Variants in SEC22B observed in about 807,000 individuals in gnomAD.
The protein encoded by SEC22B is vesicle-trafficking protein SEC22b.
SEC22B carries 10 observed loss-of-function variants against 31.4 expected under a neutral mutation model. The observed-to-expected ratio is 0.32, with a 90% CI of 0.20 to 0.54. The LOEUF is 0.54. SEC22B is among the 20% of genes least tolerant of loss of function. The pLI is 0.94. For missense variants in SEC22B, 130 were observed against 263.4 expected (o/e 0.49, Z 3.50); for synonymous variants, 60 against 95.9 (o/e 0.63, Z 2.19).
At chr1:120,163,945 C>CTTTTTTT (rs1169530604) in intron 2 of SEC22B, among the ~76,000 whole-genome samples, 70 of 68,914 alleles carry the variant, frequency 1.0e-3, no homozygotes, top group African/African-American at 3.4e-3. Flanking sequence ...ATTAGATTCT[C>CTTTTTTT]TTTTTTTTTT....
At chr1:120,176,268 C>T (rs1553230186) in intron 1 of SEC22B, 39 bp downstream of exon 1, 12 of 1,592,510 alleles carry the variant, frequency 7.5e-6, no homozygotes, top group Non-Finnish European at 1.0e-5. Context: ...AGCGCGCTGA[C>T]AGAGACTTGG....
intron 3 of SEC22B, among the ~76,000 whole-genome samples, chr1:120,160,990 G>A (rs2101127857): frequency 6.6e-6 from 1 of 152,214 alleles, no homozygotes; most frequent in African/African-American, 2.4e-5. Flanking sequence ...CAAAATCTAG[G>A]CTTTGATTAT....
At chr1:120,166,585 T>C (rs1657815560) in intron 2 of SEC22B, among the ~76,000 whole-genome samples, 1 of 144,130 alleles carries the variant, frequency 6.9e-6, no homozygotes, top group African/African-American at 2.8e-5. Context: ...AAAAAAATTT[T>C]TGAGCTCATG....
At chr1:120,175,834 A>T (rs1472967921) in intron 1 of SEC22B, among the ~76,000 whole-genome samples, 1 of 151,916 alleles carries the variant, frequency 6.6e-6, no homozygotes, top group Non-Finnish European at 1.5e-5. Context: ...ATGTACTGAA[A>T]TTTAACAGGT....
chr1:120,163,463 T>C (rs1468351033), intron 2 of SEC22B, 93 bp from the exon 3 acceptor site: 4 of 821,918 alleles, frequency 4.9e-6, no homozygotes, highest in Non-Finnish European at 6.5e-6. Flanking sequence ...GCAAACTTTT[T>C]AAAAAATCTA....
chr1:120,165,670 T>C (rs1252849517), intron 2 of SEC22B, among the ~76,000 whole-genome samples: 10 of 152,206 alleles, frequency 6.6e-5, no homozygotes, highest in Admixed American at 5.2e-4. Context: ...TTTCCTTTGC[T>C]GTGCAGAAGC....
intron 1 of SEC22B, among the ~76,000 whole-genome samples, chr1:120,175,357 G>A (rs1382698070): frequency 4.5e-5 from 5 of 111,806 alleles, no homozygotes; most frequent in South Asian, 3.5e-4. Flanking sequence ...TGAATGAAAA[G>A]TCCAACAGAA....
At chr1:120,160,607 T>C (rs1228480338) in intron 3 of SEC22B, 77 bp from the exon 4 acceptor site, 1 of 1,372,256 alleles carries the variant, frequency 7.3e-7, no homozygotes, top group Non-Finnish European at 9.7e-7. Context: ...AGTTCTGAGT[T>C]GGCCAGGCGC....
chr1:120,165,412 G>A (rs1490902398), intron 2 of SEC22B, among the ~76,000 whole-genome samples: 2 of 152,130 alleles, frequency 1.3e-5, no homozygotes, highest in African/African-American at 2.4e-5. Flanking sequence ...GGGGCTGTAT[G>A]ATTACACATC....
intron 1 of SEC22B, among the ~76,000 whole-genome samples, chr1:120,171,810 G>T (rs1465545189): frequency 1.4e-5 from 2 of 141,216 alleles, no homozygotes; most frequent in Non-Finnish European, 3.0e-5. Context: ...TAACATTTTG[G>T]TCATTTTGCT....
intron 2 of SEC22B, among the ~76,000 whole-genome samples, chr1:120,165,599 G>A (rs1224041479): frequency 1.3e-5 from 2 of 151,930 alleles, no homozygotes; most frequent in African/African-American, 4.8e-5. Flanking sequence ...AGGTTCTTTA[G>A]TTTAAGTAGG....
At chr1:120,162,620 G>C (rs1657736631) in intron 3 of SEC22B, among the ~76,000 whole-genome samples, 1 of 151,570 alleles carries the variant, frequency 6.6e-6, no homozygotes, top group African/African-American at 2.4e-5. Context: ...TACTTTACCA[G>C]GTCTGATTAG....
chr1:120,165,394 C>T (rs1657790384), intron 2 of SEC22B, among the ~76,000 whole-genome samples: 1 of 152,116 alleles, frequency 6.6e-6, no homozygotes, highest in Non-Finnish European at 1.5e-5. Flanking sequence ...CGCCCATGCA[C>T]TCTGGAAGGG....
chr1:120,151,917 T>C lies in SEC22B; in HGVS notation c.*5121A>G, dbSNP rs1314553727. 3 of 152,048 alleles carry C rather than the reference T, an allele frequency of 2.0e-5. No individual in the cohort carries two copies. Among genetic ancestry groups the C allele is most frequent in the Non-Finnish European group, 4.4e-5 (3 of 68,030 alleles). 9.4% of individuals were successfully genotyped at this position (152,048 alleles called of 1,614,324 possible). A position where few individuals can be genotyped will look rare whatever the true frequency, so the allele number is the denominator to read the frequency against. On this transcript the variant is annotated 3_prime_UTR_variant, in exon 5 of 5. Transcript: ENST00000578049. Reference sequence around the variant, plus strand: ...GGAGTCTAATGCAATGCGTGACTTGTAGCTCAGGTAAAGGGGTGGCAGGTG... The same window carrying C: ...GGAGTCTAATGCAATGCGTGACTTGCAGCTCAGGTAAAGGGGTGGCAGGTG...
intron 2 of SEC22B, among the ~76,000 whole-genome samples, chr1:120,167,781 C>T (rs1425109675): frequency 1.3e-5 from 2 of 152,050 alleles, no homozygotes; most frequent in East Asian, 3.9e-4. Context: ...TTATGAATGT[C>T]CTAAAGGAAT....
chr1:120,167,735 A>G (rs2101130871), intron 2 of SEC22B, among the ~76,000 whole-genome samples: 1 of 152,186 alleles, frequency 6.6e-6, no homozygotes, highest in African/African-American at 2.4e-5. Context: ...ATAAACCCTT[A>G]ATAGCTCTTG....
At chr1:120,176,230 C>T in intron 1 of SEC22B, 77 bp downstream of exon 1, 1 of 1,420,630 alleles carries the variant, frequency 7.0e-7, no homozygotes, top group Non-Finnish European at 9.7e-7. Context: ...TCTCCCGGTC[C>T]TAGGAAGGAA....
Position 120,151,815 on chromosome 1 carries a change from T to A in SEC22B, c.*5223A>T, listed in dbSNP as rs1173957174. On this transcript the variant is annotated 3_prime_UTR_variant, in exon 5 of 5. Transcript: ENST00000578049. ...CCAAACATAAAGGATGGAAATGATG[T>A]AATAAAATACCTTTTGAAAGTTATA... The A allele has an allele frequency of 6.6e-6, 1 of 151,092 alleles. No homozygotes were observed. The highest frequency in any genetic ancestry group is 2.4e-5 in the African/African-American group (1 of 41,154). 9.4% of individuals were successfully genotyped at this position (151,092 alleles called of 1,614,324 possible).
At position 120,176,518 on chromosome 1, in the gene SEC22B, G is replaced by T; in HGVS notation, c.-137C>A. On this transcript the variant is annotated 5_prime_UTR_variant, in exon 1 of 5. Transcript: ENST00000578049. ...TGCTTGCGTCTCCGCTTCCCGCTGA[G>T]GTGGCCGGAAACAGCGCAAGAGCTT... The T allele has an allele frequency of 1.3e-6, 1 of 776,648 alleles. No individual in the cohort carries two copies. Among genetic ancestry groups the T allele is most frequent in the Non-Finnish European group, 2.1e-6 (1 of 477,808 alleles). 48.1% of individuals were successfully genotyped at this position (776,648 alleles called of 1,614,324 possible).
Sources: gnomAD v4.1 joint callset for allele counts (sites outside exome capture counted in the v4.1 genomes callset) on GRCh38, gnomAD v4.1.1 for gene constraint, MANE v1.5 for transcripts, NCBI Gene and HGNC (gene_info 2026-07-23, HGNC 2026-07-21) for gene names.